The following GATB variants were observed in gnomAD, a reference collection of about 807,000 sequenced individuals.
The protein encoded by GATB is glutamyl-tRNA amidotransferase subunit B.
A neutral mutation model predicts 62.3 loss-of-function variants in GATB; 39 were observed. The observed-to-expected ratio is 0.63, with a 90% CI of 0.48 to 0.82. The LOEUF is 0.82. Ranked by LOEUF, GATB falls within the 40% of genes least tolerant of loss-of-function variation. The pLI is 0.00. For synonymous variants in GATB, 276 were observed against 258.9 expected, an observed-to-expected ratio of 1.07 and a Z score of -0.63; for missense variants, 670 against 684.0, an observed-to-expected ratio of 0.98 and a Z score of 0.23.
chr4:151,692,674 C>A (rs1738389929), intron 9 of GATB, among the ~76,000 whole-genome samples: 2 of 152,176 alleles, frequency 1.3e-5, no homozygotes, highest in South Asian at 4.1e-4. Context: ...CTCTCCTGCC[C>A]CCTGCCTTGC....
chr4:151,731,926 C>CCT (rs2126986689), intron 2 of GATB, among the ~76,000 whole-genome samples: 1 of 151,532 alleles, frequency 6.6e-6, no homozygotes, highest in African/African-American at 2.4e-5. Context: ...GGGGTCAGCC[C>CCT]CCGCCGGGCC....
At chr4:151,692,071 TACAGC>T (rs1156638209) in intron 9 of GATB, among the ~76,000 whole-genome samples, 7 of 152,198 alleles carry the variant, frequency 4.6e-5, no homozygotes, top group African/African-American at 1.4e-4. Context: ...TAACCAGAGT[TACAGC>T]AGCAGCGGTG....
chr4:151,756,155 G>A (rs532445740), intron 2 of GATB, among the ~76,000 whole-genome samples: 5 of 152,262 alleles, frequency 3.3e-5, no homozygotes, highest in Admixed American at 2.0e-4. Flanking sequence ...TAAGCCCTGC[G>A]CAGAAAGAGT....
chr4:151,722,086 G>C (rs1739043774), intron 2 of GATB: 1 of 656,926 alleles, frequency 1.5e-6, no homozygotes. Context: ...GTGTCAGTTA[G>C]AAGAATGCCA....
rs374262101 is a variant in GATB at position 151,705,311 on chromosome 4, C to G, written c.878-42G>C. ...AATTTAGCATCATATTTTGATTATA[C>G]CTTTCATCCAGTCAAGCAATAATTA... On this transcript the variant is annotated intron_variant, in intron 6 of 12. Transcript: ENST00000263985. The G allele has an allele frequency of 3.3e-6, 4 of 1,229,332 alleles. No homozygotes were observed. The African/African-American group carries it at 5.9e-5, about 18-fold the overall frequency. The allele number at this position is 1,229,332 out of a possible 1,614,324, so 76.2% of individuals were successfully genotyped here.
intron 11 of GATB, among the ~76,000 whole-genome samples, chr4:151,678,568 T>C (rs1257160082): frequency 6.6e-6 from 1 of 152,056 alleles, no homozygotes; most frequent in Non-Finnish European, 1.5e-5. Flanking sequence ...AGCAAGAGCC[T>C]TTCCTAAACG....
intron 8 of GATB, among the ~76,000 whole-genome samples, chr4:151,702,501 T>C (rs2126969352): frequency 6.6e-6 from 1 of 152,270 alleles, no homozygotes. Context: ...CCATGGACTC[T>C]AGCCAATAAG....
In GATB at chr4:151,701,365, C is replaced by T; in HGVS notation, c.1161G>A (p.Gln387=). ...PSVTREKLVQ[Q]YGMLLEHSFT... ...AGCTGTGTTCCAGCAGCATCCCATA[C>T]TGTTGGACAAGCTTCTCTCGGGTCA... is the stretch of plus-strand genomic sequence containing the variant. Residue 387 remains glutamine (Q), a synonymous_variant, in exon 9 of 13, where the codon CAG becomes CAA. Transcript: ENST00000263985. The T allele has an allele frequency of 1.9e-6, 3 of 1,588,352 alleles. No homozygotes were observed. The highest frequency in any genetic ancestry group is 1.8e-5 in the Admixed American group (1 of 56,678).
intron 2 of GATB, among the ~76,000 whole-genome samples, chr4:151,732,418 GC>G (rs947899266): frequency 3.4e-4 from 52 of 152,250 alleles, no homozygotes; most frequent in African/African-American, 1.2e-3. Flanking sequence ...CTGTGACCCT[GC>G]CCCCAACCCT....
intron 2 of GATB, among the ~76,000 whole-genome samples, chr4:151,743,665 A>T (rs991274536): frequency 6.6e-6 from 1 of 152,232 alleles, no homozygotes; most frequent in African/African-American, 2.4e-5. Context: ...AAATTGTGTG[A>T]CCATGGGTAA....
At chr4:151,712,039 A>T (rs1225074582) in intron 5 of GATB, among the ~76,000 whole-genome samples, 1 of 152,248 alleles carries the variant, frequency 6.6e-6, no homozygotes, top group African/African-American at 2.4e-5. Context: ...TTTTGAACTC[A>T]GGGAACCATG....
intron 2 of GATB, among the ~76,000 whole-genome samples, chr4:151,747,534 C>T (rs540974323): frequency 6.6e-6 from 1 of 152,284 alleles, no homozygotes; most frequent in East Asian, 1.9e-4. Flanking sequence ...CTGGCAGAGG[C>T]CACCAGGAAT....
intron 9 of GATB, 82 bp from the exon 10 acceptor site, chr4:151,688,845 T>TC (rs201498468): frequency 1.4e-6 from 2 of 1,395,788 alleles, no homozygotes. Flanking sequence ...TCTGAAACTG[T>TC]CCCCTCTGCC....
At chr4:151,698,849 C>T (rs548247878) in intron 9 of GATB, among the ~76,000 whole-genome samples, 1 of 152,040 alleles carries the variant, frequency 6.6e-6, no homozygotes, top group South Asian at 2.1e-4. Context: ...CAAAAAAAGT[C>T]CTTTCAAAAA....
chr4:151,741,921 C>CT (rs1296672654), intron 2 of GATB, among the ~76,000 whole-genome samples: 1 of 152,150 alleles, frequency 6.6e-6, no homozygotes, highest in Non-Finnish European at 1.5e-5. Context: ...AGAGTGCATC[C>CT]TTGCACATCT....
At position 151,759,540 on chromosome 4, in the gene GATB, G is replaced by A. The variant is rs547683136; in HGVS notation, c.177-618C>T. On this transcript the variant is annotated intron_variant, in intron 1 of 12. Transcript: ENST00000263985. ...AAAACTCCACCACACTAAACCATCT[G>A]ATGCGGCATATTTTTGGTCCCCCAA... Among the ~76,000 whole-genome samples, 3 of 152,244 alleles carry A rather than the reference G, an allele frequency of 2.0e-5. No homozygotes were observed. In the South Asian group the frequency reaches 6.2e-4, roughly 32 times the overall value.
chr4:151,732,317 G>T (rs1414122284), intron 2 of GATB, among the ~76,000 whole-genome samples: 6 of 152,228 alleles, frequency 3.9e-5, no homozygotes, highest in Non-Finnish European at 8.8e-5. Context: ...AAATCAGATT[G>T]TTGCTGTGTC....
chr4:151,738,896 G>A (rs1394747123), intron 2 of GATB, among the ~76,000 whole-genome samples: 1 of 152,212 alleles, frequency 6.6e-6, no homozygotes, highest in Non-Finnish European at 1.5e-5. Flanking sequence ...TCTATTTTTA[G>A]CTGGGTTCAT....
intron 10 of GATB, among the ~76,000 whole-genome samples, chr4:151,681,456 C>T (rs1183044770): frequency 2.0e-5 from 3 of 151,822 alleles, no homozygotes; most frequent in African/African-American, 7.3e-5. Context: ...CTAAAAAAAC[C>T]TACCTTTACT....
Sources: allele counts gnomAD v4.1 joint callset (sites outside exome capture counted in the v4.1 genomes callset), GRCh38; gene constraint gnomAD v4.1.1; transcripts MANE v1.5; gene names NCBI Gene and HGNC (gene_info 2026-07-23, HGNC 2026-07-21).